Variants in PRKCH observed in about 807,000 individuals in gnomAD.
PRKCH encodes protein kinase C eta, also known as protein kinase C eta type.
Under a neutral mutation model 82.5 loss-of-function variants are expected in PRKCH, and 28 were observed. The observed-to-expected ratio is 0.34, with a 90% CI of 0.25 to 0.47. PRKCH has a LOEUF of 0.47. Among genes scored for constraint, PRKCH ranks in the 20% least tolerant of loss-of-function variants. The pLI is 1.00. For missense variants in PRKCH, 705 were observed against 881.8 expected (o/e 0.80, Z 2.54); for synonymous variants, 322 against 327.4 (o/e 0.98, Z 0.18).
At chr14:61,462,243 A>G (rs1885058695) in intron 9 of PRKCH, among the ~76,000 whole-genome samples, 1 of 152,204 alleles carries the variant, frequency 6.6e-6, no homozygotes, top group South Asian at 2.1e-4. Flanking sequence ...TACAAAAAGT[A>G]GCTTGGTGTG....
chr14:61,444,074 T>C (rs1043477509), intron 3 of PRKCH, among the ~76,000 whole-genome samples: 5 of 152,238 alleles, frequency 3.3e-5, no homozygotes, highest in Admixed American at 2.0e-4. Context: ...TTTCTGAATG[T>C]TGATCAATTA....
intron 2 of PRKCH, among the ~76,000 whole-genome samples, chr14:61,422,631 G>GACATGCAT (rs1240527922): frequency 6.6e-6 from 1 of 152,166 alleles, no homozygotes; most frequent in Non-Finnish European, 1.5e-5. Context: ...CAGCACCCTG[G>GACATGCAT]ACATGCATAC....
intron 1 of PRKCH, among the ~76,000 whole-genome samples, chr14:61,338,379 A>T (rs944932126): frequency 2.0e-5 from 3 of 152,126 alleles, no homozygotes; most frequent in Non-Finnish European, 2.9e-5. Flanking sequence ...GGTGTGTGTG[A>T]GTTTAAGAGC....
At chr14:61,484,177 C>T (rs17098498) in intron 9 of PRKCH, among the ~76,000 whole-genome samples, 2,012 of 152,016 alleles carry the variant, frequency 0.013, 41 homozygotes, top group African/African-American at 0.045. Context: ...GGCCTTAGCT[C>T]ATGTTTCCCT....
chr14:61,288,818 A>T (rs1424415942), intron 1 of PRKCH, among the ~76,000 whole-genome samples: 1 of 152,178 alleles, frequency 6.6e-6, no homozygotes, highest in Non-Finnish European at 1.5e-5. Context: ...CTTAGTCGGA[A>T]ATTTCTGGGA....
intron 1 of PRKCH, among the ~76,000 whole-genome samples, chr14:61,213,665 C>T (rs888535461): frequency 2.6e-5 from 4 of 152,148 alleles, no homozygotes; most frequent in African/African-American, 9.7e-5. Flanking sequence ...ATCTTCTGGC[C>T]AAAGGCATTC....
chr14:61,518,038 C>G (rs2042851811), intron 10 of PRKCH, among the ~76,000 whole-genome samples: 1 of 152,228 alleles, frequency 6.6e-6, no homozygotes, highest in Admixed American at 6.5e-5. Context: ...GTCAGCTGCA[C>G]TTGGCTGTCT....
chr14:61,484,243 G>T (rs1296335715), intron 9 of PRKCH, among the ~76,000 whole-genome samples: 1 of 146,102 alleles, frequency 6.8e-6, no homozygotes, highest in Non-Finnish European at 1.5e-5. Flanking sequence ...CGCTTCCTCT[G>T]CTTTTCCTTC....
At chr14:61,353,213 A>G (rs1474114884) in intron 1 of PRKCH, among the ~76,000 whole-genome samples, 1 of 152,348 alleles carries the variant, frequency 6.6e-6, no homozygotes, top group East Asian at 1.9e-4. Context: ...GCACTTAGCA[A>G]TACTTTTCTT....
intron 1 of PRKCH, among the ~76,000 whole-genome samples, chr14:61,356,211 G>T (rs369719329): frequency 3.3e-5 from 5 of 152,180 alleles, no homozygotes; most frequent in Non-Finnish European, 7.3e-5. Flanking sequence ...CTGCCTGGTC[G>T]AGTGCAGTGG....
chr14:61,223,763 G>A (rs1029569696), intron 1 of PRKCH, among the ~76,000 whole-genome samples: 1 of 152,134 alleles, frequency 6.6e-6, no homozygotes, highest in Non-Finnish European at 1.5e-5. Context: ...TAACCCTCAG[G>A]AGGCCCCTCA....
chr14:61,387,387 T>G (rs2046603779), intron 1 of PRKCH, among the ~76,000 whole-genome samples: 1 of 151,904 alleles, frequency 6.6e-6, no homozygotes, highest in Non-Finnish European at 1.5e-5. Context: ...GAGGGAGGAG[T>G]AGTTCTCAAA....
chr14:61,206,533 T>C (rs2044525579), intron 1 of PRKCH, among the ~76,000 whole-genome samples: 1 of 152,170 alleles, frequency 6.6e-6, no homozygotes, highest in Non-Finnish European at 1.5e-5. Context: ...CAGGTAGATA[T>C]GAATTTTAGG....
chr14:61,421,566 A>T, intron 2 of PRKCH, among the ~76,000 whole-genome samples: 1 of 151,980 alleles, frequency 6.6e-6, no homozygotes, highest in Non-Finnish European at 1.5e-5. Flanking sequence ...GCTGGTATTG[A>T]CCTGCTTTTT....
At chr14:61,326,329 A>C (rs1298858186) in intron 1 of PRKCH, among the ~76,000 whole-genome samples, 2 of 152,374 alleles carry the variant, frequency 1.3e-5, no homozygotes, top group Middle Eastern at 3.4e-3. Flanking sequence ...GAGTGAAAGA[A>C]ACTAGACAAA....
intron 2 of PRKCH, among the ~76,000 whole-genome samples, chr14:61,429,849 T>C: frequency 6.6e-6 from 1 of 152,246 alleles, no homozygotes; most frequent in East Asian, 1.9e-4. Flanking sequence ...AGAAGTGTGA[T>C]TTTTGTCTAT....
intron 12 of PRKCH, among the ~76,000 whole-genome samples, chr14:61,534,531 G>C (rs1313862924): frequency 6.6e-6 from 1 of 152,158 alleles, no homozygotes; most frequent in African/African-American, 2.4e-5. Context: ...TCCATTGGAT[G>C]GTGTTTTGCA....
At chr14:61,456,928 G>A (rs532024364) in intron 7 of PRKCH, 5 of 387,064 alleles carry the variant, frequency 1.3e-5, no homozygotes, top group East Asian at 9.4e-5. Flanking sequence ...CCACTTGAGC[G>A]CTAACTGTAA....
chr14:61,214,634 G>C (rs373058180), intron 1 of PRKCH, among the ~76,000 whole-genome samples: 62 of 152,126 alleles, frequency 4.1e-4, no homozygotes, highest in African/African-American at 1.4e-3. Flanking sequence ...TTCCTGGGGG[G>C]TAGTTTTCTC....
Sources: allele counts gnomAD v4.1 joint callset (sites outside exome capture counted in the v4.1 genomes callset), GRCh38; gene constraint gnomAD v4.1.1; transcripts MANE v1.5; gene names NCBI Gene and HGNC (gene_info 2026-07-23, HGNC 2026-07-21).